CASQ2: variants seen among roughly 807,000 people sequenced by gnomAD.
CASQ2 encodes calsequestrin-2.
A neutral mutation model predicts 46.5 loss-of-function variants in CASQ2; 49 were observed. That is an observed-to-expected ratio of 1.05 (90% CI 0.84 to 1.34). CASQ2 has a LOEUF of 1.34. CASQ2 is among the 40% of genes most tolerant of loss of function. The probability of loss-of-function intolerance (pLI) is 0.00; values close to 1 mark genes in which losing one functional copy is unlikely to be tolerated. For synonymous variants in CASQ2, 174 were observed against 168.5 expected (o/e 1.03, Z -0.25); for missense variants, 486 against 481.3 (o/e 1.01, Z -0.09).
chr1:115,741,560 A>C (rs10801964), intron 2 of CASQ2, among the ~76,000 whole-genome samples: 8 of 152,004 alleles, frequency 5.3e-5, no homozygotes, highest in Non-Finnish European at 1.2e-4. Context: ...GGTATCCCAG[A>C]GCCTTGTACA....
chr1:115,734,106 TCA>T (rs1647877769), intron 4 of CASQ2, among the ~76,000 whole-genome samples: 1 of 152,148 alleles, frequency 6.6e-6, no homozygotes, highest in Non-Finnish European at 1.5e-5. Flanking sequence ...TGATACACAC[TCA>T]CACTAACTTG....
At position 115,717,946 on chromosome 1, in the gene CASQ2, G is replaced by A. The variant is rs3811000; in HGVS notation, c.784-52C>T. ...CACTTCCAGCTGGAGGGATGCAAAG[G>A]ACTGAGCCAGGGACAGGGACTCAGA... On this transcript the variant is annotated intron_variant, in intron 7 of 10. Transcript: ENST00000261448. The A allele has an allele frequency of 4.7e-4, 583 of 1,251,988 alleles. 5 individuals are homozygous for A. The East Asian group carries it at 0.012, about 26-fold the overall frequency. 77.6% of individuals were successfully genotyped at this position (1,251,988 alleles called of 1,614,324 possible).
intron 1 of CASQ2, among the ~76,000 whole-genome samples, chr1:115,750,368 C>G (rs1648536201): frequency 6.6e-6 from 1 of 152,216 alleles, no homozygotes; most frequent in Non-Finnish European, 1.5e-5. Flanking sequence ...GGGGTTGTCT[C>G]TTATCGGTTG....
chr1:115,730,659 G>C (rs1380732514), intron 5 of CASQ2, among the ~76,000 whole-genome samples: 2 of 152,104 alleles, frequency 1.3e-5, no homozygotes, highest in Admixed American at 1.3e-4. Flanking sequence ...AATTTTTGCT[G>C]TCTTAACGCC....
chr1:115,737,947 G>A (rs1389803717), intron 4 of CASQ2, among the ~76,000 whole-genome samples: 1 of 152,222 alleles, frequency 6.6e-6, no homozygotes, highest in Non-Finnish European at 1.5e-5. Context: ...TGGGTAGGCA[G>A]GAAAAGTGGA....
chr1:115,739,327 G>T (rs1015517945), intron 3 of CASQ2, among the ~76,000 whole-genome samples: 1 of 151,582 alleles, frequency 6.6e-6, no homozygotes, highest in African/African-American at 2.4e-5. Context: ...GTATTAGCCA[G>T]GATGGTCTCG....
At chr1:115,757,049 G>A (rs1047142800) in intron 1 of CASQ2, among the ~76,000 whole-genome samples, 7 of 152,178 alleles carry the variant, frequency 4.6e-5, no homozygotes, top group Non-Finnish European at 8.8e-5. Flanking sequence ...GCGCAATACC[G>A]GGGGCTTTGG....
At chr1:115,707,013 G>A (rs1188102933) in intron 8 of CASQ2, among the ~76,000 whole-genome samples, 1 of 151,178 alleles carries the variant, frequency 6.6e-6, no homozygotes, top group Non-Finnish European at 1.5e-5. Context: ...GAAGCACAGC[G>A]ACCTCTAGTG....
chr1:115,758,103 A>G (rs900337499), intron 1 of CASQ2, among the ~76,000 whole-genome samples: 2 of 152,230 alleles, frequency 1.3e-5, no homozygotes, highest in African/African-American at 4.8e-5. Flanking sequence ...ACTGCTTACA[A>G]ACATGAAGCA....
intron 1 of CASQ2, among the ~76,000 whole-genome samples, chr1:115,757,350 T>C (rs1317899036): frequency 6.6e-6 from 1 of 152,162 alleles, no homozygotes; most frequent in Non-Finnish European, 1.5e-5. Flanking sequence ...CCTGAGAAAG[T>C]ATGGGCTCTA....
chr1:115,726,991 C>A lies in CASQ2; in HGVS notation c.737+1G>T. ...CAGCCCCCACATGCCATCTCAGGCA[C>A]CTTTGGTGTTCCTTCACAAACTCCA... On this transcript the variant is annotated splice_donor_variant, in intron 6 of 10. Coordinates refer to ENST00000261448, the MANE Select transcript of CASQ2 (RefSeq NM_001232.4). LOFTEE classifies it high-confidence loss of function. 3 of 1,610,450 alleles carry A rather than the reference C, an allele frequency of 1.9e-6. No homozygotes were observed. The highest frequency in any genetic ancestry group is 2.5e-6 in the Non-Finnish European group (3 of 1,177,796).
At chr1:115,707,801 T>C (rs1182073327) in intron 8 of CASQ2, among the ~76,000 whole-genome samples, 1 of 152,090 alleles carries the variant, frequency 6.6e-6, no homozygotes, top group Admixed American at 6.5e-5. Flanking sequence ...GAGAGTCAAA[T>C]GTAAAAGGGA....
chr1:115,756,509 G>A (rs1648766151), intron 1 of CASQ2, among the ~76,000 whole-genome samples: 1 of 152,180 alleles, frequency 6.6e-6, no homozygotes, highest in South Asian at 2.1e-4. Context: ...CCGCAGAGTA[G>A]GGCTGCTGAG....
chr1:115,715,524 A>C (rs1654674464), intron 8 of CASQ2, among the ~76,000 whole-genome samples: 1 of 152,210 alleles, frequency 6.6e-6, no homozygotes, highest in Non-Finnish European at 1.5e-5. Flanking sequence ...TAGAGATAGT[A>C]GGTAATTCCT....
At chr1:115,718,926 G>A (rs1298107710) in intron 7 of CASQ2, among the ~76,000 whole-genome samples, 1 of 152,090 alleles carries the variant, frequency 6.6e-6, no homozygotes, top group African/African-American at 2.4e-5. Flanking sequence ...GGCACCTGGG[G>A]ACAAGGCCGA....
In CASQ2 at chr1:115,757,443, G is replaced by C. The variant is rs182353203; in HGVS notation, c.234+10865C>G. On this transcript the variant is annotated intron_variant, in intron 1 of 10. Coordinates refer to ENST00000261448, the MANE Select transcript of CASQ2 (RefSeq NM_001232.4). ...AGAGTGGAGCAGGTGTGAATTTGGA[G>C]ATTGCCATTTTTGGTCAGTGAACAG... 4.9e-3 allele frequency among the ~76,000 whole-genome samples: 743 copies of C among 152,252 alleles called. 3 individuals are homozygous for C. The highest frequency in any genetic ancestry group is 0.017 in the African/African-American group (704 of 41,542).
rs752752366 is a variant in CASQ2 at position 115,700,757 on chromosome 1, C to T, written c.*484G>A. The T allele has an allele frequency of 4.8e-6, 2 of 419,520 alleles. No individual in the cohort carries two copies. Among genetic ancestry groups the T allele is most frequent in the African/African-American group, 2.0e-5 (1 of 49,924 alleles). The allele number at this position is 419,520 out of a possible 1,614,324, so 26.0% of individuals were successfully genotyped here. The stretch of plus-strand genomic sequence containing the variant: ...CCTTCTCTAAGAAGGATCATCTTGG[C>T]TGGAGGAGGGATCCCAACTGATGTT... On this transcript the variant is annotated 3_prime_UTR_variant, in exon 11 of 11. Transcript: ENST00000261448.
intron 8 of CASQ2, among the ~76,000 whole-genome samples, chr1:115,708,468 C>T (rs562189905): frequency 3.9e-5 from 6 of 152,316 alleles, no homozygotes; most frequent in African/African-American, 1.4e-4. Flanking sequence ...CTTAAACACA[C>T]AGACTCTGGG....
Position 115,709,731 on chromosome 1 carries a change from G to A in CASQ2, c.839-4439C>T, listed in dbSNP as rs183785150. The stretch of plus-strand genomic sequence containing the variant: ...TGACCTTGCTAAAAGGCTGACTACA[G>A]AGTTGATCATTCTAACAGCCAAGAA... On this transcript the variant is annotated intron_variant, in intron 8 of 10. Transcript: ENST00000261448. Among the ~76,000 whole-genome samples the A allele has an allele frequency of 4.9e-4, 74 of 152,324 alleles. 1 individual carries two copies. The highest frequency in any genetic ancestry group is 6.8e-3 in the Middle Eastern group (2 of 294).
Sources: gnomAD v4.1 joint callset for allele counts (sites outside exome capture counted in the v4.1 genomes callset) on GRCh38, gnomAD v4.1.1 for gene constraint, MANE v1.5 for transcripts, NCBI Gene and HGNC (gene_info 2026-07-23, HGNC 2026-07-21) for gene names.